GRID2: variants seen among roughly 807,000 people sequenced by gnomAD.
GRID2 encodes the protein glutamate ionotropic receptor delta type subunit 2.
Under a neutral mutation model 114.8 loss-of-function variants are expected in GRID2, and 33 were observed. The observed-to-expected ratio is 0.29, with a 90% CI of 0.22 to 0.38. GRID2 has a LOEUF of 0.38. Ranked by LOEUF, GRID2 falls within the 10% of genes least tolerant of loss-of-function variation. The pLI, the probability that GRID2 is intolerant of heterozygous loss-of-function variation, is 1.00. For missense variants in GRID2, 1,184 were observed against 1,257.7 expected (o/e 0.94, Z 0.89); for synonymous variants, 505 against 449.9 (o/e 1.12, Z -1.55).
intron 8 of GRID2, among the ~76,000 whole-genome samples, chr4:93,342,011 C>T (rs1290673630): frequency 6.6e-5 from 10 of 152,016 alleles, no homozygotes; most frequent in Admixed American, 1.3e-4. Flanking sequence ...CCTTCTATTC[C>T]ACTATTATCT....
intron 1 of GRID2, among the ~76,000 whole-genome samples, chr4:92,503,622 A>G (rs988716396): frequency 1.3e-5 from 2 of 152,146 alleles, no homozygotes; most frequent in African/African-American, 4.8e-5. Context: ...TTAAATGCCA[A>G]TGCTGTCTGA....
intron 1 of GRID2, among the ~76,000 whole-genome samples, chr4:92,322,322 C>A (rs1435033373): frequency 6.6e-6 from 1 of 151,834 alleles, no homozygotes; most frequent in Non-Finnish European, 1.5e-5. Context: ...TGGCGACACT[C>A]TTTTCTTAGC....
intron 14 of GRID2, among the ~76,000 whole-genome samples, chr4:93,765,608 T>TTATA (rs66550272): frequency 0.027 from 785 of 29,460 alleles, 6 homozygotes; most frequent in Middle Eastern, 0.061. Flanking sequence ...AGGTGAGGTA[T>TTATA]TATATATATA....
intron 11 of GRID2, among the ~76,000 whole-genome samples, chr4:93,471,715 T>TTTTTTTTTTTTTTTTTTTTTTTTTTG (rs1724834423): frequency 7.8e-6 from 1 of 128,372 alleles, no homozygotes; most frequent in Non-Finnish European, 1.6e-5. Context: ...TTTTTTTTTT[T>TTTTTTTTTTTTTTTTTTTTTTTTTTG]GGAGACGGAG....
At chr4:92,965,847 G>C (rs1310249439) in intron 2 of GRID2, among the ~76,000 whole-genome samples, 3 of 151,816 alleles carry the variant, frequency 2.0e-5, no homozygotes, top group Non-Finnish European at 4.4e-5. Context: ...CTGATTTGCT[G>C]ACTTATTCTT....
Position 93,038,576 on chromosome 4 carries a change from G to C in GRID2, c.245-46419G>C, listed in dbSNP as rs1486304121. On this transcript the variant is annotated intron_variant, in intron 2 of 15. Transcript: ENST00000282020. Reference sequence around the variant, plus strand: ...GAGGCCGAGGCGGGTGGATCATGAAGTCAGGAGATCGAGACCATCCTGGCT... The same window carrying C: ...GAGGCCGAGGCGGGTGGATCATGAACTCAGGAGATCGAGACCATCCTGGCT... Among the ~76,000 whole-genome samples, 5 of 152,226 alleles carry C rather than the reference G, an allele frequency of 3.3e-5. No homozygotes were observed. The East Asian group carries it at 9.7e-4, about 29-fold the overall frequency.
At chr4:92,628,066 AATTTTT>A (rs1730609767) in intron 2 of GRID2, among the ~76,000 whole-genome samples, 1 of 152,160 alleles carries the variant, frequency 6.6e-6, no homozygotes, top group Non-Finnish European at 1.5e-5. Context: ...GGAAGATGAG[AATTTTT>A]ATTTTATCAT....
intron 2 of GRID2, among the ~76,000 whole-genome samples, chr4:93,040,222 C>T (rs1323765521): frequency 6.6e-6 from 1 of 150,798 alleles, no homozygotes; most frequent in Non-Finnish European, 1.5e-5. Flanking sequence ...TTATAATAAC[C>T]TTAAAATTGA....
chr4:93,132,492 A>G (rs967793006), intron 4 of GRID2, among the ~76,000 whole-genome samples: 7 of 152,134 alleles, frequency 4.6e-5, no homozygotes, highest in Non-Finnish European at 8.8e-5. Context: ...GTCCACAATT[A>G]AGTTTGGGGG....
intron 2 of GRID2, among the ~76,000 whole-genome samples, chr4:92,592,236 C>A (rs62310137): frequency 0.11 from 16,529 of 151,964 alleles, 1,196 homozygotes; most frequent in African/African-American, 0.21. Flanking sequence ...GGACTGATTT[C>A]TTTCTTTATC....
At chr4:93,597,650 T>C (rs13117931) in intron 13 of GRID2, among the ~76,000 whole-genome samples, 39,941 of 152,062 alleles carry the variant, frequency 0.26, 5,481 homozygotes, top group Middle Eastern at 0.37. Flanking sequence ...GCGAATCTCC[T>C]TATCTCAAAA....
intron 11 of GRID2, among the ~76,000 whole-genome samples, chr4:93,489,993 G>A (rs1439266291): frequency 1.3e-5 from 2 of 151,818 alleles, no homozygotes; most frequent in Non-Finnish European, 2.9e-5. Flanking sequence ...AAAGTCAGGG[G>A]ACTCGTTGAT....
intron 14 of GRID2, among the ~76,000 whole-genome samples, chr4:93,694,946 C>A (rs760623684): frequency 1.3e-5 from 2 of 151,998 alleles, no homozygotes; most frequent in Non-Finnish European, 2.9e-5. Flanking sequence ...CCGAGACGGG[C>A]GGATTGCCTG....
At chr4:93,447,653 A>G (rs946656681) in intron 10 of GRID2, among the ~76,000 whole-genome samples, 1 of 151,994 alleles carries the variant, frequency 6.6e-6, no homozygotes, top group Non-Finnish European at 1.5e-5. Context: ...CAATATGACA[A>G]AAAATGTTAT....
intron 2 of GRID2, among the ~76,000 whole-genome samples, chr4:92,652,693 G>T (rs891720593): frequency 7.4e-6 from 1 of 135,954 alleles, no homozygotes; most frequent in South Asian, 2.6e-4. Flanking sequence ...AATTTTGGCC[G>T]GGCGCGGTGG....
intron 8 of GRID2, among the ~76,000 whole-genome samples, chr4:93,364,439 A>G (rs1195099613): frequency 6.6e-6 from 1 of 151,992 alleles, no homozygotes; most frequent in East Asian, 1.9e-4. Context: ...ATTTTCATTG[A>G]CCTATTATTT....
intron 14 of GRID2, among the ~76,000 whole-genome samples, chr4:93,757,097 G>T (rs1470583899): frequency 6.6e-6 from 1 of 152,120 alleles, no homozygotes; most frequent in African/African-American, 2.4e-5. Flanking sequence ...AGAAAAGAAT[G>T]CCCTCTTGTC....
At chr4:93,706,975 T>A (rs1442016893) in intron 14 of GRID2, among the ~76,000 whole-genome samples, 2 of 152,180 alleles carry the variant, frequency 1.3e-5, no homozygotes, top group African/African-American at 4.8e-5. Flanking sequence ...ATGATTTTTC[T>A]CCTTCGTTCT....
chr4:93,361,725 T>C (rs1761896661), intron 8 of GRID2, among the ~76,000 whole-genome samples: 1 of 152,102 alleles, frequency 6.6e-6, no homozygotes, highest in African/African-American at 2.4e-5. Flanking sequence ...TTATGTGTCT[T>C]ATAACATTTG....
Sources: allele counts gnomAD v4.1 joint callset (sites outside exome capture counted in the v4.1 genomes callset), GRCh38; gene constraint gnomAD v4.1.1; transcripts MANE v1.5; gene names NCBI Gene and HGNC (gene_info 2026-07-23, HGNC 2026-07-21).